Variants in TMEM17 observed in about 807,000 individuals in gnomAD.
The protein encoded by TMEM17 is transmembrane protein 17.
Under a neutral mutation model 19.1 loss-of-function variants are expected in TMEM17, and 15 were observed. The observed-to-expected ratio is 0.78, with a 90% CI of 0.52 to 1.21. The LOEUF is 1.21. Ranked by LOEUF, TMEM17 falls within the 50% of genes most tolerant of loss-of-function variation. The pLI, the probability that TMEM17 is intolerant of heterozygous loss-of-function variation, is 0.00. For missense variants in TMEM17, 245 were observed against 242.3 expected (o/e 1.01, Z -0.07); for synonymous variants, 103 against 86.9 (o/e 1.19, Z -1.03).
At chr2:62,462,005 G>A in the TMEM17 span, among the ~76,000 whole-genome samples, 1 of 152,238 alleles carries the variant, frequency 6.6e-6, no homozygotes, top group African/African-American at 2.4e-5. Flanking sequence ...TACTGTAGAA[G>A]AGGTGAATTC....
chr2:62,497,461 C>G (rs1679804619), downstream of TMEM17, among the ~76,000 whole-genome samples: 1 of 152,222 alleles, frequency 6.6e-6, no homozygotes, highest in Non-Finnish European at 1.5e-5. Context: ...CCTCAACAAA[C>G]TAGTTGTAGT....
At chr2:62,476,112 C>A in the TMEM17 span, among the ~76,000 whole-genome samples, 1 of 152,184 alleles carries the variant, frequency 6.6e-6, no homozygotes, top group South Asian at 2.1e-4. Context: ...GGGGGTCATG[C>A]TTTGTCAAAT....
At chr2:62,480,072 G>A in the TMEM17 span, among the ~76,000 whole-genome samples, 2 of 151,980 alleles carry the variant, frequency 1.3e-5, no homozygotes, top group Non-Finnish European at 2.9e-5. Context: ...GCCAGCATTT[G>A]CTATTTTTTG....
the TMEM17 span, among the ~76,000 whole-genome samples, chr2:62,467,009 C>T: frequency 6.6e-6 from 1 of 152,092 alleles, no homozygotes; most frequent in Non-Finnish European, 1.5e-5. Flanking sequence ...GAGATGGAGT[C>T]TCGCTCTGTT....
At chr2:62,464,971 A>G in the TMEM17 span, among the ~76,000 whole-genome samples, 2 of 152,196 alleles carry the variant, frequency 1.3e-5, no homozygotes, top group Non-Finnish European at 2.9e-5. Context: ...TGTTATCCCT[A>G]TGAACAATTT....
intron 1 of TMEM17, among the ~76,000 whole-genome samples, chr2:62,504,006 G>A (rs1680000131): frequency 6.6e-6 from 1 of 152,132 alleles, no homozygotes; most frequent in African/African-American, 2.4e-5. Context: ...CTTAAGAGCA[G>A]ACACATATAT....
In TMEM17 at chr2:62,502,696, T is replaced by G; in HGVS notation, c.199A>C (p.Met67Leu). The part of the protein sequence containing the change: ...WWVSSIMMLH[M>L]KYSILPDYYK... ...GTATTAAAGCTTAGATTTACCTTCA[T>G]GTGAAGCATCATAATGCTGCTCACC... The change falls in exon 2 of 4, where the codon ATG (methionine) becomes CTG (leucine). Residue 67 changes from methionine to leucine, a missense_variant. Physicochemically the swap from Met to Leu is conservative, Grantham distance 15 (BLOSUM62 2). Coordinates refer to ENST00000335390, the MANE Select transcript of TMEM17 (RefSeq NM_198276.3). 1 of 1,596,274 alleles carries G rather than the reference T, an allele frequency of 6.3e-7. No homozygotes were observed.
chr2:62,493,977 C>T, the TMEM17 span, among the ~76,000 whole-genome samples: 1 of 152,134 alleles, frequency 6.6e-6, no homozygotes, highest in South Asian at 2.1e-4. Context: ...CCATGCTGTT[C>T]CATCTGTTGA....
chr2:62,467,194 C>A, the TMEM17 span, among the ~76,000 whole-genome samples: 4 of 151,864 alleles, frequency 2.6e-5, no homozygotes, highest in African/African-American at 7.3e-5. Flanking sequence ...TGCAGCATTT[C>A]CCCCCGCCCA....
the TMEM17 span, among the ~76,000 whole-genome samples, chr2:62,473,239 ACC>A: frequency 6.6e-6 from 1 of 152,126 alleles, no homozygotes; most frequent in East Asian, 1.9e-4. Context: ...ACTATTATTA[ACC>A]CCTATTTCTG....
chr2:62,482,107 A>G, the TMEM17 span, among the ~76,000 whole-genome samples: 1 of 152,210 alleles, frequency 6.6e-6, no homozygotes, highest in Non-Finnish European at 1.5e-5. Context: ...CCAGTGGATA[A>G]AGGATAACCT....
At chr2:62,474,894 T>A in the TMEM17 span, among the ~76,000 whole-genome samples, 4 of 152,038 alleles carry the variant, frequency 2.6e-5, no homozygotes, top group African/African-American at 9.7e-5. Flanking sequence ...GCATTTAACT[T>A]CAGATAATAA....
At chr2:62,473,140 A>C in the TMEM17 span, among the ~76,000 whole-genome samples, 1 of 152,328 alleles carries the variant, frequency 6.6e-6, no homozygotes, top group East Asian at 1.9e-4. Context: ...ATGTTAAATA[A>C]TAGCCAACAT....
rs183935772 is a variant in TMEM17 at position 62,501,563 on chromosome 2, T to C, written c.319-76A>G. 1.1e-4 allele frequency: 159 copies of C among 1,416,584 alleles called. 1 individual carries two copies. In the East Asian group the frequency reaches 3.3e-3, roughly 30 times the overall value. 87.8% of individuals were successfully genotyped at this position (1,416,584 alleles called of 1,614,324 possible). On this transcript the variant is annotated intron_variant, in intron 3 of 3. Coordinates refer to ENST00000335390, the MANE Select transcript of TMEM17 (RefSeq NM_198276.3). ...GTTTATACAGATAAACAAGTACTTA[T>C]CACTACCGTGAACCTACATTATGGG...
At chr2:62,489,075 T>G in the TMEM17 span, among the ~76,000 whole-genome samples, 1 of 152,260 alleles carries the variant, frequency 6.6e-6, no homozygotes, top group Non-Finnish European at 1.5e-5. Flanking sequence ...AAATGGTAAA[T>G]GTATCCTGGA....
At chr2:62,467,367 C>G in the TMEM17 span, among the ~76,000 whole-genome samples, 7 of 151,836 alleles carry the variant, frequency 4.6e-5, no homozygotes, top group African/African-American at 1.7e-4. Flanking sequence ...AACTGCAGCC[C>G]AGAAAGGAGA....
At chr2:62,477,130 C>G in the TMEM17 span, among the ~76,000 whole-genome samples, 2 of 152,202 alleles carry the variant, frequency 1.3e-5, no homozygotes, top group African/African-American at 4.8e-5. Flanking sequence ...GGAGCAGTGG[C>G]TCACGCCTGT....
In TMEM17 at chr2:62,501,092, G is replaced by A. The variant is rs1366138817; in HGVS notation, c.*117C>T. The A allele has an allele frequency of 1.5e-5, 18 of 1,184,214 alleles. No individual in the cohort carries two copies. Among genetic ancestry groups the A allele is most frequent in the African/African-American group, 3.1e-5 (2 of 65,362 alleles). 73.4% of individuals were successfully genotyped at this position (1,184,214 alleles called of 1,614,324 possible). ...TTGCCCCCAACCTTGGAATTTCAGA[G>A]TGAGAGCATATACAATTCAAAACAC... On this transcript the variant is annotated 3_prime_UTR_variant, in exon 4 of 4. Coordinates refer to ENST00000335390, the MANE Select transcript of TMEM17 (RefSeq NM_198276.3).
the TMEM17 span, among the ~76,000 whole-genome samples, chr2:62,489,685 G>C: frequency 1.3e-5 from 2 of 152,164 alleles, no homozygotes; most frequent in Admixed American, 6.5e-5. Flanking sequence ...TGACCTAGCA[G>C]ACTGAAGTTT....
Sources: gnomAD v4.1 joint callset for allele counts (sites outside exome capture counted in the v4.1 genomes callset) on GRCh38, gnomAD v4.1.1 for gene constraint, MANE v1.5 for transcripts, NCBI Gene and HGNC (gene_info 2026-07-23, HGNC 2026-07-21) for gene names.